The following POSTN variants were observed in gnomAD, a reference collection of about 807,000 sequenced individuals.
The protein encoded by POSTN is osteoblast specific factor 2 (fasciclin I-like).
In POSTN, 71 loss-of-function variants were observed where a neutral mutation model predicts 104.5. The observed-to-expected ratio is 0.68, with a 90% CI of 0.56 to 0.83. The LOEUF (loss-of-function observed/expected upper bound fraction) is 0.83, where lower values mean the gene tolerates loss of function less well. POSTN is among the 40% of genes least tolerant of loss of function. The probability of loss-of-function intolerance (pLI) is 0.00; values close to 1 mark genes in which losing one functional copy is unlikely to be tolerated. For missense variants in POSTN, 949 were observed against 1,006.8 expected (o/e 0.94, Z 0.78); for synonymous variants, 355 against 340.7 (o/e 1.04, Z -0.46).
chr13:37,590,577 A>G lies in POSTN; in HGVS notation c.284-48T>C, dbSNP rs376444440. 105 of 1,432,228 alleles carry G rather than the reference A, an allele frequency of 7.3e-5. 1 individual carries two copies. The highest frequency in any genetic ancestry group is 9.8e-5 in the Non-Finnish European group (104 of 1,062,628). The allele number at this position is 1,432,228 out of a possible 1,614,324, so 88.7% of individuals were successfully genotyped here. ...CAGTACTGGGGATAATATTCTCAGG[A>G]TATTATTCATAATCATTTAAACTTT... is the stretch of plus-strand genomic sequence containing the variant. On this transcript the variant is annotated intron_variant, in intron 3 of 22. Coordinates refer to ENST00000379747, the MANE Select transcript of POSTN (RefSeq NM_006475.3).
chr13:37,582,541 C>A, intron 9 of POSTN, 27 bp from the exon 10 acceptor site: 1 of 1,562,102 alleles, frequency 6.4e-7, no homozygotes. Context: ...TAAGAAAGAG[C>A]ATTATTTTAT....
At chr13:37,583,269 C>T (rs1051695639) in intron 9 of POSTN, among the ~76,000 whole-genome samples, 7 of 151,814 alleles carry the variant, frequency 4.6e-5, no homozygotes, top group Non-Finnish European at 1.0e-4. Flanking sequence ...TAATTTGACA[C>T]CCTTACTGTC....
intron 7 of POSTN, among the ~76,000 whole-genome samples, chr13:37,585,633 AT>A (rs1406516019): frequency 1.1e-4 from 16 of 152,266 alleles, no homozygotes; most frequent in Non-Finnish European, 4.4e-5. Flanking sequence ...CTCATCTTAA[AT>A]TGGTTAAATG....
chr13:37,575,814 A>G (rs974669614), intron 16 of POSTN, among the ~76,000 whole-genome samples: 4 of 152,064 alleles, frequency 2.6e-5, no homozygotes, highest in African/African-American at 9.7e-5. Flanking sequence ...GTATTTTGAG[A>G]TCTCAAATTG....
chr13:37,568,176 T>A (rs1405300579), intron 21 of POSTN, among the ~76,000 whole-genome samples: 3 of 152,116 alleles, frequency 2.0e-5, no homozygotes, highest in Non-Finnish European at 4.4e-5. Flanking sequence ...TGCTATGTAC[T>A]CTTAGAATTC....
At chr13:37,563,424 A>T in intron 22 of POSTN, 54 bp from the exon 23 acceptor site, 1 of 1,214,132 alleles carries the variant, frequency 8.2e-7, no homozygotes, top group Non-Finnish European at 1.2e-6. Flanking sequence ...AAATTTTAAA[A>T]TTTAAGAATA....
chr13:37,595,815 T>C (rs1951068897), intron 2 of POSTN, among the ~76,000 whole-genome samples: 1 of 150,662 alleles, frequency 6.6e-6, no homozygotes, highest in Admixed American at 6.6e-5. Flanking sequence ...TAGTATCTTT[T>C]TTTTTTTTTT....
chr13:37,597,272 A>C lies in POSTN; in HGVS notation c.130T>G (p.Cys44Gly), dbSNP rs777291836. ...IRGRDQGPNV[C>G]ALQQILGTKK... ...GTGCCCAAAATCTGTTGAAGGGCAC[A>C]GACATTTGGGCTGGAGGATAGAGGG... The change falls in exon 2 of 23, where the codon TGT becomes GGT. Residue 44 changes from cysteine to glycine, a missense_variant. Cys to Gly is a radical substitution (Grantham distance 159, BLOSUM62 -3). Coordinates refer to ENST00000379747, the MANE Select transcript of POSTN (RefSeq NM_006475.3). 6 of 1,580,100 alleles carry C rather than the reference A, an allele frequency of 3.8e-6. No individual in the cohort carries two copies. Among genetic ancestry groups the C allele is most frequent in the Non-Finnish European group, 5.1e-6 (6 of 1,166,806 alleles).
chr13:37,580,287 G>T (rs922663515), intron 11 of POSTN, among the ~76,000 whole-genome samples: 1 of 152,006 alleles, frequency 6.6e-6, no homozygotes, highest in African/African-American at 2.4e-5. Context: ...GATAGTCTTT[G>T]CTATATATAC....
chr13:37,595,255 G>A lies in POSTN; in HGVS notation c.218+1929C>T, dbSNP rs553602705. On this transcript the variant is annotated intron_variant, in intron 2 of 22. Transcript: ENST00000379747. Reference sequence around the variant, plus strand: ...GTGTGCATTTCAAATATGCTTCATGGTATCCAAGAATATAAATAACAAAGA... The same window carrying A: ...GTGTGCATTTCAAATATGCTTCATGATATCCAAGAATATAAATAACAAAGA... 3.5e-4 allele frequency among the ~76,000 whole-genome samples: 54 copies of A among 152,122 alleles called. 1 individual carries two copies. In the South Asian group the frequency reaches 9.8e-3, roughly 27 times the overall value.
intron 7 of POSTN, among the ~76,000 whole-genome samples, chr13:37,585,398 G>T (rs1566027676): frequency 6.6e-6 from 1 of 152,148 alleles, no homozygotes; most frequent in Non-Finnish European, 1.5e-5. Context: ...AGAAAAGGAA[G>T]GCCTGTGAAA....
intron 2 of POSTN, among the ~76,000 whole-genome samples, chr13:37,594,594 C>T (rs904680088): frequency 6.6e-6 from 1 of 152,052 alleles, no homozygotes; most frequent in Non-Finnish European, 1.5e-5. Context: ...TAGTATCTAA[C>T]ATTTCATGAG....
chr13:37,572,502 T>G (rs1950290506), intron 17 of POSTN, among the ~76,000 whole-genome samples: 1 of 151,598 alleles, frequency 6.6e-6, no homozygotes, highest in Non-Finnish European at 1.5e-5. Context: ...GCCTAAGGAA[T>G]TTAAGAACCA....
At chr13:37,586,345 CTT>C in intron 6 of POSTN, 65 bp from the exon 7 acceptor site, 1 of 1,526,010 alleles carries the variant, frequency 6.6e-7, no homozygotes, top group Non-Finnish European at 8.9e-7. Flanking sequence ...TTGCAACACA[CTT>C]AGCCTAGGCT....
At chr13:37,564,165 T>TATATACAAAACATTACTTGC in intron 22 of POSTN, among the ~76,000 whole-genome samples, 1 of 140,414 alleles carries the variant, frequency 7.1e-6, no homozygotes. Context: ...TGTATACTTG[T>TATATACAAAACATTACTTGC]ATATACAAAA....
chr13:37,571,002 G>A (rs1471217906), intron 18 of POSTN: 1 of 288,654 alleles, frequency 3.5e-6, no homozygotes, highest in Non-Finnish European at 6.5e-6. Context: ...TCCTAGTAGT[G>A]GAGTGGCTTA....
chr13:37,593,347 T>C (rs978430563), intron 2 of POSTN, among the ~76,000 whole-genome samples: 1 of 150,536 alleles, frequency 6.6e-6, no homozygotes, highest in Non-Finnish European at 1.5e-5. Context: ...TTTTTTCGCA[T>C]TTCATAGAAT....
chr13:37,567,216 A>G (rs181206576), intron 21 of POSTN, among the ~76,000 whole-genome samples: 1 of 86,728 alleles, frequency 1.2e-5, no homozygotes, highest in Non-Finnish European at 2.2e-5. Context: ...AGCCTGGGCG[A>G]CAGAGCGAGA....
intron 2 of POSTN, among the ~76,000 whole-genome samples, chr13:37,592,574 A>G (rs1593366529): frequency 6.6e-6 from 1 of 152,190 alleles, no homozygotes; most frequent in Non-Finnish European, 1.5e-5. Flanking sequence ...TTGGGATTAC[A>G]GGCATGAGCC....
Sources: gnomAD v4.1 joint callset for allele counts (sites outside exome capture counted in the v4.1 genomes callset) on GRCh38, gnomAD v4.1.1 for gene constraint, MANE v1.5 for transcripts, NCBI Gene and HGNC (gene_info 2026-07-23, HGNC 2026-07-21) for gene names.